Variants in TRAPPC9 observed in about 807,000 individuals in gnomAD.
The protein encoded by TRAPPC9 is IKK2 binding protein.
In TRAPPC9, 83 loss-of-function variants were observed where a neutral mutation model predicts 124.0. That is an observed-to-expected ratio of 0.67 (90% confidence interval 0.56 to 0.80). The LOEUF is 0.80. Among genes scored for constraint, TRAPPC9 ranks in the 30% least tolerant of loss-of-function variants. TRAPPC9 has a pLI of 0.00. For missense variants in TRAPPC9, 1,302 were observed against 1,508.3 expected, an observed-to-expected ratio of 0.86 and a Z score of 2.27; for synonymous variants, 638 against 617.5, an observed-to-expected ratio of 1.03 and a Z score of -0.49.
Position 139,731,094 on chromosome 8 carries a change from A to T in TRAPPC9, c.3414T>A (p.Ser1138Arg), listed in dbSNP as rs147127279. The change falls in exon 23 of 23, where the codon AGT (serine) becomes AGA (arginine). Residue 1138 changes from serine (S) to arginine (R), a missense_variant. Physicochemically the swap from Ser to Arg is moderately radical, Grantham distance 110. Coordinates refer to ENST00000438773, the MANE Select transcript of TRAPPC9 (RefSeq NM_001160372.4). Reference sequence around the variant, plus strand: ...GCGCCTCCAGGGCACACACGTGCACACTGGGCAGGCAGAACCAAGAGGGTG... The same window carrying T: ...GCGCCTCCAGGGCACACACGTGCACTCTGGGCAGGCAGAACCAAGAGGGTG... ...ELPPSWFCLP[S>R]VHVCALEAQA 1.5e-5 allele frequency: 25 copies of T among 1,613,526 alleles called. No individual in the cohort carries two copies. Among genetic ancestry groups the T allele is most frequent in the Non-Finnish European group, 2.1e-5 (25 of 1,180,000 alleles).
intron 17 of TRAPPC9, among the ~76,000 whole-genome samples, chr8:140,072,474 C>A (rs549545032): frequency 6.6e-6 from 1 of 151,340 alleles, no homozygotes; most frequent in Non-Finnish European, 1.5e-5. Flanking sequence ...GCCGAGACTG[C>A]GCCACTGCAC....
rs77563366 is a variant in TRAPPC9, at chr8:140,294,139, T to G, written c.1769-3061A>C. On this transcript the variant is annotated intron_variant, in intron 11 of 22. Coordinates refer to ENST00000438773, the MANE Select transcript of TRAPPC9 (RefSeq NM_001160372.4). ...CAGTCTGTCTCCAAAACCTACACTC[T>G]TTTCACCCTACTGCTTCACCTCTCA... Among the ~76,000 whole-genome samples, 825 of 152,184 alleles carry G rather than the reference T, an allele frequency of 5.4e-3. 5 individuals carry two copies. Among genetic ancestry groups the G allele is most frequent in the Middle Eastern group, 0.024 (7 of 294 alleles).
At chr8:139,950,700 T>G (rs777596186) in intron 19 of TRAPPC9, among the ~76,000 whole-genome samples, 5 of 152,124 alleles carry the variant, frequency 3.3e-5, no homozygotes, top group Non-Finnish European at 7.4e-5. Context: ...CTTTCCCAAA[T>G]CACCATGGGT....
rs547895336 is a variant in TRAPPC9, at chr8:140,297,189, C to T, written c.1768+3280G>A. 3.3e-4 allele frequency among the ~76,000 whole-genome samples: 50 copies of T among 152,348 alleles called. 1 individual carries two copies. Among genetic ancestry groups the T allele is most frequent in the Admixed American group, 1.4e-3 (22 of 15,306 alleles). ...CTGTTCATCCACCACGTCTACCCAG[C>T]GCCTACACTTCCTGTCACCTCATGT... On this transcript the variant is annotated intron_variant, in intron 11 of 22. Coordinates refer to ENST00000438773, the MANE Select transcript of TRAPPC9 (RefSeq NM_001160372.4).
rs551319910 is a variant in TRAPPC9 at position 140,300,231 on chromosome 8, A to G, written c.1768+238T>C. On this transcript the variant is annotated intron_variant, in intron 11 of 22. Coordinates refer to ENST00000438773, the MANE Select transcript of TRAPPC9 (RefSeq NM_001160372.4). ...CACATGGACACATGTAAACACACATATGCATGCACGCACGCATGCATACAC... is the reference window on the plus strand; with the variant it reads ...CACATGGACACATGTAAACACACATGTGCATGCACGCACGCATGCATACAC... Among the ~76,000 whole-genome samples, 3 of 152,158 alleles carry G rather than the reference A, an allele frequency of 2.0e-5. No individual in the cohort carries two copies. The East Asian group carries it at 5.8e-4, about 29-fold the overall frequency.
At chr8:139,914,303 C>T (rs892487926) in intron 19 of TRAPPC9, among the ~76,000 whole-genome samples, 6 of 152,212 alleles carry the variant, frequency 3.9e-5, no homozygotes, top group East Asian at 1.9e-4. Flanking sequence ...CACAGGGAGA[C>T]GACCCGCAGG....
At chr8:140,039,674 G>A (rs1841137481) in intron 17 of TRAPPC9, 1 of 152,206 alleles carries the variant, frequency 6.6e-6, no homozygotes, top group Non-Finnish European at 1.5e-5. Flanking sequence ...TGTGGAAGGT[G>A]CAGCTGGAAG....
chr8:140,064,343 T>C (rs1046944381), intron 17 of TRAPPC9, among the ~76,000 whole-genome samples: 7 of 151,926 alleles, frequency 4.6e-5, no homozygotes, highest in Non-Finnish European at 8.8e-5. Flanking sequence ...GAGCTGGAGG[T>C]TGCCACTCTA....
At chr8:140,287,568 A>C in intron 13 of TRAPPC9, 40 bp downstream of exon 13, 1 of 1,613,912 alleles carries the variant, frequency 6.2e-7, no homozygotes, top group Non-Finnish European at 8.5e-7. Flanking sequence ...AGGGTTCAGC[A>C]GACCCTCCTG....
intron 21 of TRAPPC9, among the ~76,000 whole-genome samples, chr8:139,741,907 T>C (rs1247264331): frequency 6.6e-6 from 1 of 152,182 alleles, no homozygotes; most frequent in Non-Finnish European, 1.5e-5. Flanking sequence ...GCACATTTTG[T>C]TCATATAGCA....
intron 5 of TRAPPC9, among the ~76,000 whole-genome samples, chr8:140,408,947 GCTCT>G (rs2069594316): frequency 2.0e-5 from 3 of 152,168 alleles, no homozygotes; most frequent in Middle Eastern, 3.4e-3. Flanking sequence ...AAAGGAAAAG[GCTCT>G]CTATCACACA....
chr8:140,298,027 G>A (rs77056499), intron 11 of TRAPPC9, among the ~76,000 whole-genome samples: 5,068 of 152,196 alleles, frequency 0.033, 280 homozygotes, highest in African/African-American at 0.11. Context: ...TCTAAAAGTC[G>A]TTTCTCTAAG....
At chr8:139,915,275 C>T (rs1832047599) in intron 19 of TRAPPC9, among the ~76,000 whole-genome samples, 1 of 152,126 alleles carries the variant, frequency 6.6e-6, no homozygotes, top group Non-Finnish European at 1.5e-5. Context: ...GAGACACAGT[C>T]TTGCTCTGTT....
intron 17 of TRAPPC9, among the ~76,000 whole-genome samples, chr8:140,217,766 A>G (rs1162745384): frequency 6.6e-6 from 1 of 152,206 alleles, no homozygotes; most frequent in Non-Finnish European, 1.5e-5. Context: ...CAGTAATCCC[A>G]GCACTTTGGG....
chr8:140,108,293 T>C (rs938374447), intron 17 of TRAPPC9, among the ~76,000 whole-genome samples: 9 of 152,324 alleles, frequency 5.9e-5, no homozygotes, highest in South Asian at 2.1e-4. Flanking sequence ...CCACAGCCAC[T>C]AGGGGCACAG....
intron 15 of TRAPPC9, among the ~76,000 whole-genome samples, chr8:140,269,193 TA>T (rs1297531860): frequency 1.3e-5 from 2 of 152,014 alleles, no homozygotes; most frequent in African/African-American, 4.8e-5. Context: ...CTACAGCATT[TA>T]GGGGTAAAAT....
chr8:139,832,873 T>G (rs1586944295), intron 21 of TRAPPC9, among the ~76,000 whole-genome samples: 1 of 152,274 alleles, frequency 6.6e-6, no homozygotes, highest in African/African-American at 2.4e-5. Flanking sequence ...GCTTCCATGA[T>G]TACGGCATTC....
intron 17 of TRAPPC9, among the ~76,000 whole-genome samples, chr8:140,191,364 C>T (rs939850406): frequency 2.0e-5 from 3 of 152,144 alleles, no homozygotes; most frequent in African/African-American, 7.2e-5. Flanking sequence ...ATTTATGTCC[C>T]CACCAAATCT....
At chr8:140,208,253 G>C (rs9644444) in intron 17 of TRAPPC9, among the ~76,000 whole-genome samples, 44,223 of 152,042 alleles carry the variant, frequency 0.29, 6,903 homozygotes, top group East Asian at 0.58. Flanking sequence ...AAGCTACTTT[G>C]AGAGAGCTTA....
Sources: gnomAD v4.1 joint callset for allele counts (sites outside exome capture counted in the v4.1 genomes callset) on GRCh38, gnomAD v4.1.1 for gene constraint, MANE v1.5 for transcripts, NCBI Gene and HGNC (gene_info 2026-07-23, HGNC 2026-07-21) for gene names.